IQCM: variants seen among roughly 807,000 people sequenced by gnomAD.
IQCM encodes the protein IQ domain-containing protein M.
IQCM carries 45 observed loss-of-function variants against 57.6 expected under a neutral mutation model. The observed-to-expected ratio is 0.78, with a 90% CI of 0.62 to 1.00. The LOEUF is 1.00. Ranked by LOEUF, IQCM falls within the 50% of genes least tolerant of loss-of-function variation. The pLI, the probability that IQCM is intolerant of heterozygous loss-of-function variation, is 0.00. For missense variants in IQCM, 468 were observed against 511.6 expected (o/e 0.91, Z 0.82); for synonymous variants, 148 against 158.9 (o/e 0.93, Z 0.51).
intron 10 of IQCM, 114 bp downstream of exon 10, chr4:149,563,578 C>A (rs750729202): frequency 1.4e-6 from 1 of 714,550 alleles, no homozygotes; most frequent in Non-Finnish European, 1.9e-6. Flanking sequence ...AACAGCAAAA[C>A]TCTATCTCCA....
At chr4:149,617,521 A>G (rs1255251064) in intron 8 of IQCM, among the ~76,000 whole-genome samples, 1 of 152,110 alleles carries the variant, frequency 6.6e-6, no homozygotes, top group Non-Finnish European at 1.5e-5. Context: ...AACCTTTATT[A>G]CCTCTAACTG....
At chr4:149,723,613 A>G (rs1690849134) in intron 5 of IQCM, among the ~76,000 whole-genome samples, 1 of 152,028 alleles carries the variant, frequency 6.6e-6, no homozygotes, top group Non-Finnish European at 1.5e-5. Context: ...ATATTGAACC[A>G]TCCCTGCACC....
At chr4:149,475,299 C>T (rs1245999069) in intron 12 of IQCM, among the ~76,000 whole-genome samples, 1 of 152,092 alleles carries the variant, frequency 6.6e-6, no homozygotes. Context: ...AAGATGTCCC[C>T]AGATTCCAGA....
At chr4:149,373,298 T>C (rs1730487331) in intron 13 of IQCM, among the ~76,000 whole-genome samples, 1 of 152,278 alleles carries the variant, frequency 6.6e-6, no homozygotes, top group South Asian at 2.1e-4. Context: ...GTCACATGGC[T>C]AGTAAACTCC....
intron 12 of IQCM, among the ~76,000 whole-genome samples, chr4:149,456,822 G>A (rs1360089053): frequency 6.6e-6 from 1 of 152,026 alleles, no homozygotes; most frequent in Non-Finnish European, 1.5e-5. Flanking sequence ...ATATGCCAAA[G>A]TACGTTAATT....
chr4:149,467,784 A>C (rs993894199), intron 12 of IQCM, among the ~76,000 whole-genome samples: 9 of 152,142 alleles, frequency 5.9e-5, no homozygotes, highest in Non-Finnish European at 1.2e-4. Flanking sequence ...CACAGCAGTG[A>C]GGTTGCTGGA....
chr4:149,716,370 G>A (rs1764998683), intron 5 of IQCM, among the ~76,000 whole-genome samples: 1 of 152,204 alleles, frequency 6.6e-6, no homozygotes, highest in African/African-American at 2.4e-5. Context: ...CTCCAAAATT[G>A]GAGTGAGGAC....
At chr4:149,468,514 G>T (rs1451129188) in intron 12 of IQCM, among the ~76,000 whole-genome samples, 1 of 152,136 alleles carries the variant, frequency 6.6e-6, no homozygotes, top group South Asian at 2.1e-4. Flanking sequence ...ACAGCTCAAG[G>T]GGCCTGCATG....
At chr4:149,685,577 T>C (rs1762491770) in intron 6 of IQCM, among the ~76,000 whole-genome samples, 1 of 151,484 alleles carries the variant, frequency 6.6e-6, no homozygotes, top group South Asian at 2.1e-4. Flanking sequence ...ACTTAAACGT[T>C]GGAAGACCCA....
At chr4:149,521,375 G>T (rs1503706) in intron 12 of IQCM, among the ~76,000 whole-genome samples, 152,271 of 152,280 alleles carry the variant, frequency 1, 76,131 homozygotes, top group Middle Eastern at 1. Flanking sequence ...TTTAAAAAAT[G>T]TTCTCCTCTT....
chr4:149,767,598 A>T (rs893079562), intron 2 of IQCM, among the ~76,000 whole-genome samples: 1 of 152,092 alleles, frequency 6.6e-6, no homozygotes, highest in Non-Finnish European at 1.5e-5. Flanking sequence ...TTGGAGGATA[A>T]TATTTCCTGA....
Position 149,381,720 on chromosome 4 carries a change from AGTATGTATGTATGTATGTAT to A in IQCM, c.1391-29674_1391-29655del, listed in dbSNP as rs60955059. On this transcript the variant is annotated intron_variant, in intron 13 of 13. Transcript: ENST00000636793. ...TCCCTCTTCTAGCTCTTTCCCCCATAGTATGTATGTATGTATGTATGTATGTATGTATGTATGTATGTATG... is the reference window on the plus strand; with the variant it reads ...TCCCTCTTCTAGCTCTTTCCCCCATAGTATGTATGTATGTATGTATGTATG... Among the ~76,000 whole-genome samples, 9 of 146,494 alleles carry A rather than the reference AGTATGTATGTATGTATGTAT, an allele frequency of 6.1e-5. No individual in the cohort carries two copies. The East Asian group carries it at 1.2e-3, about 20-fold the overall frequency.
chr4:149,357,628 G>A (rs541309336), intron 13 of IQCM, among the ~76,000 whole-genome samples: 8 of 152,256 alleles, frequency 5.3e-5, no homozygotes, highest in South Asian at 2.1e-4. Flanking sequence ...TTTTTGATGC[G>A]TTGCTGGATA....
chr4:149,545,508 T>A (rs1748303413), intron 12 of IQCM, among the ~76,000 whole-genome samples: 1 of 152,108 alleles, frequency 6.6e-6, no homozygotes, highest in South Asian at 2.1e-4. Context: ...ACACCTAGTA[T>A]GATAGCTATT....
At chr4:149,462,382 C>G (rs1048206568) in intron 12 of IQCM, among the ~76,000 whole-genome samples, 2 of 152,136 alleles carry the variant, frequency 1.3e-5, no homozygotes, top group African/African-American at 4.8e-5. Context: ...AATAACTACA[C>G]AGAATGGAAG....
intron 7 of IQCM, among the ~76,000 whole-genome samples, chr4:149,681,167 A>G (rs1486836005): frequency 1.3e-5 from 2 of 151,280 alleles, no homozygotes; most frequent in African/African-American, 4.8e-5. Context: ...AGTATTATTT[A>G]TTACACCCAT....
intron 9 of IQCM, among the ~76,000 whole-genome samples, chr4:149,564,813 CTA>C (rs34318269): frequency 0.76 from 114,024 of 150,694 alleles, 43,543 homozygotes; most frequent in South Asian, 0.9. Flanking sequence ...TAATAAATTC[CTA>C]TATATATATA....
At chr4:149,599,892 A>G (rs1230778154) in intron 8 of IQCM, among the ~76,000 whole-genome samples, 1 of 152,180 alleles carries the variant, frequency 6.6e-6, no homozygotes, top group Non-Finnish European at 1.5e-5. Flanking sequence ...CTAAAAGGCC[A>G]GATTGAAGAA....
intron 8 of IQCM, among the ~76,000 whole-genome samples, chr4:149,592,296 G>A (rs1753268507): frequency 6.6e-6 from 1 of 152,040 alleles, no homozygotes; most frequent in South Asian, 2.1e-4. Flanking sequence ...ACTTTTTGAT[G>A]GGGTTGTTTG....
Sources: gnomAD v4.1 joint callset for allele counts (sites outside exome capture counted in the v4.1 genomes callset) on GRCh38, gnomAD v4.1.1 for gene constraint, MANE v1.5 for transcripts, NCBI Gene and HGNC (gene_info 2026-07-23, HGNC 2026-07-21) for gene names.